Variants in ARHGAP24 observed in about 807,000 individuals in gnomAD.
The protein encoded by ARHGAP24 is Rho GTPase activating protein 24, also known as rho GTPase-activating protein 24.
Under a neutral mutation model 76.4 loss-of-function variants are expected in ARHGAP24, and 50 were observed. The observed-to-expected ratio is 0.65, with a 90% confidence interval of 0.52 to 0.83. The LOEUF is 0.83. Among genes scored for constraint, ARHGAP24 ranks in the 40% least tolerant of loss-of-function variants. The probability of loss-of-function intolerance (pLI) is 0.00; values close to 1 mark genes in which losing one functional copy is unlikely to be tolerated. For synonymous variants in ARHGAP24, 345 were observed against 323.3 expected, an observed-to-expected ratio of 1.07 and a Z score of -0.72; for missense variants, 930 against 914.2, an observed-to-expected ratio of 1.02 and a Z score of -0.22.
At chr4:85,907,107 G>A (rs1207513402) in intron 3 of ARHGAP24, among the ~76,000 whole-genome samples, 1 of 152,094 alleles carries the variant, frequency 6.6e-6, no homozygotes, top group East Asian at 1.9e-4. Context: ...TATGAAATAA[G>A]GACTCAGCCT....
At chr4:85,578,192 T>G (rs1253411467) in intron 2 of ARHGAP24, among the ~76,000 whole-genome samples, 4 of 152,232 alleles carry the variant, frequency 2.6e-5, no homozygotes. Flanking sequence ...TTGACTATTT[T>G]ATATTATTAT....
At position 85,972,144 on chromosome 4, in the gene ARHGAP24, A is replaced by T; in HGVS notation, c.708A>T (p.Lys236Asn). ...AKYEDFLSCA[K>N]LLSKEEEAGV... ...ATGAAGATTTTTTGTCATGTGCCAA[A>T]CTGCTCAGCAAGGAAGAGGAAGCAG... The change falls in exon 6 of 10, where the codon AAA becomes AAT. Residue 236 changes from lysine (K) to asparagine (N), a missense_variant. Physicochemically the swap from Lys to Asn is moderately conservative, Grantham distance 94. Coordinates refer to ENST00000395184, the MANE Select transcript of ARHGAP24 (RefSeq NM_001025616.3). 1 of 1,613,786 alleles carries T rather than the reference A, an allele frequency of 6.2e-7. No homozygotes were observed.
At chr4:85,907,720 A>G (rs28509253) in intron 3 of ARHGAP24, among the ~76,000 whole-genome samples, 16,814 of 152,222 alleles carry the variant, frequency 0.11, 979 homozygotes, top group South Asian at 0.13. Flanking sequence ...ACAGTAGATT[A>G]CTAATGGATA....
At chr4:85,568,178 C>T (rs978571556) in intron 1 of ARHGAP24, among the ~76,000 whole-genome samples, 3 of 151,868 alleles carry the variant, frequency 2.0e-5, no homozygotes, top group Non-Finnish European at 4.4e-5. Flanking sequence ...TGCTAATAAC[C>T]TTGAAGCATT....
chr4:85,942,383 A>C lies in ARHGAP24; in HGVS notation c.599+110A>C, dbSNP rs568792720. The C allele has an allele frequency of 1.1e-4, 148 of 1,309,696 alleles. No individual in the cohort carries two copies. In the South Asian group the frequency reaches 1.5e-3, roughly 14 times the overall value. The allele number at this position is 1,309,696 out of a possible 1,614,324, so 81.1% of individuals were successfully genotyped here. ...TTGATTGATGTGGTAACAGTTTACA[A>C]CATAGATTATTTGGCCACAGGAGTT... On this transcript the variant is annotated intron_variant, in intron 5 of 9. Coordinates refer to ENST00000395184, the MANE Select transcript of ARHGAP24 (RefSeq NM_001025616.3).
chr4:85,486,876 T>C (rs867544947), intron 1 of ARHGAP24, among the ~76,000 whole-genome samples: 1 of 152,034 alleles, frequency 6.6e-6, no homozygotes, highest in East Asian at 1.9e-4. Flanking sequence ...CTGTACAATA[T>C]ACTGAGTAGT....
At chr4:85,778,132 T>C (rs970899899) in intron 3 of ARHGAP24, among the ~76,000 whole-genome samples, 2 of 152,184 alleles carry the variant, frequency 1.3e-5, no homozygotes, top group African/African-American at 4.8e-5. Context: ...AGCAGTACTC[T>C]GTAAGGACTA....
intron 2 of ARHGAP24, among the ~76,000 whole-genome samples, chr4:85,623,913 C>T (rs1335664749): frequency 1.3e-5 from 2 of 151,278 alleles, no homozygotes; most frequent in Non-Finnish European, 2.9e-5. Context: ...TATAAGAATG[C>T]TTGTGATTTT....
intron 1 of ARHGAP24, among the ~76,000 whole-genome samples, chr4:85,544,321 A>G (rs937071680): frequency 6.6e-6 from 1 of 152,208 alleles, no homozygotes; most frequent in Non-Finnish European, 1.5e-5. Flanking sequence ...TTTTGTAACT[A>G]TGTTAAGCTT....
intron 3 of ARHGAP24, among the ~76,000 whole-genome samples, chr4:85,902,644 C>G (rs1021663308): frequency 4.6e-5 from 7 of 152,174 alleles, no homozygotes; most frequent in Admixed American, 1.3e-4. Context: ...CACTCTGTTG[C>G]CCAGGCTGGA....
chr4:85,926,157 A>T (rs1042290773), intron 4 of ARHGAP24, among the ~76,000 whole-genome samples: 4 of 152,208 alleles, frequency 2.6e-5, no homozygotes, highest in Admixed American at 1.3e-4. Flanking sequence ...TGAGCTGTAT[A>T]TGTGAATCTT....
At chr4:85,598,248 AATAG>A (rs1480451695) in intron 2 of ARHGAP24, among the ~76,000 whole-genome samples, 3 of 152,090 alleles carry the variant, frequency 2.0e-5, no homozygotes, top group South Asian at 2.1e-4. Context: ...TTAATTAATA[AATAG>A]ATAGAAGGTC....
At chr4:85,659,050 A>G (rs1381751247) in intron 2 of ARHGAP24, among the ~76,000 whole-genome samples, 2 of 152,176 alleles carry the variant, frequency 1.3e-5, no homozygotes, top group African/African-American at 2.4e-5. Context: ...TCTCCCAGGA[A>G]TATTTGACAA....
At chr4:85,516,923 A>G (rs1400060745) in intron 1 of ARHGAP24, among the ~76,000 whole-genome samples, 1 of 152,106 alleles carries the variant, frequency 6.6e-6, no homozygotes, top group Admixed American at 6.6e-5. Flanking sequence ...ATTTAGATAT[A>G]TAATTCATTT....
At position 85,534,836 on chromosome 4, in the gene ARHGAP24, A is replaced by G. The variant is rs185571324; in HGVS notation, c.-20-35686A>G. Among the ~76,000 whole-genome samples the G allele has an allele frequency of 6.5e-4, 99 of 152,104 alleles. No homozygotes were observed. In the East Asian group the frequency reaches 7.4e-3, roughly 11 times the overall value. On this transcript the variant is annotated intron_variant, in intron 1 of 9. Transcript: ENST00000395184. ...CAGTGGCCTCAAGGCAGTCGGTGAA[A>G]GTGACTGAATAGGTGAACATGCTTG...
At chr4:85,560,266 A>G (rs1021984672) in intron 1 of ARHGAP24, among the ~76,000 whole-genome samples, 11 of 151,534 alleles carry the variant, frequency 7.3e-5, no homozygotes, top group African/African-American at 2.2e-4. Flanking sequence ...TACATATATT[A>G]AAATTAATAT....
intron 2 of ARHGAP24, among the ~76,000 whole-genome samples, chr4:85,666,844 G>A (rs192758816): frequency 0.012 from 1,764 of 152,282 alleles, 14 homozygotes; most frequent in Non-Finnish European, 0.018. Flanking sequence ...CTGTCTGATC[G>A]TTCCTCTGGA....
At chr4:85,579,223 C>G (rs572228485) in intron 2 of ARHGAP24, among the ~76,000 whole-genome samples, 2 of 152,200 alleles carry the variant, frequency 1.3e-5, no homozygotes, top group South Asian at 2.1e-4. Context: ...CACATCTACT[C>G]TTATTAACTG....
chr4:85,745,595 A>AAC (rs1726001202), intron 3 of ARHGAP24, among the ~76,000 whole-genome samples: 1 of 150,078 alleles, frequency 6.7e-6, no homozygotes, highest in Non-Finnish European at 1.5e-5. Context: ...TATCTCTTAA[A>AAC]AAAAAAAAAC....
Sources: gnomAD v4.1 joint callset for allele counts (sites outside exome capture counted in the v4.1 genomes callset) on GRCh38, gnomAD v4.1.1 for gene constraint, MANE v1.5 for transcripts, NCBI Gene and HGNC (gene_info 2026-07-23, HGNC 2026-07-21) for gene names.